Variants in SAMD11 observed in about 807,000 individuals in gnomAD.
SAMD11 encodes sterile alpha motif domain containing 11.
In SAMD11, 77 loss-of-function variants were observed where a neutral mutation model predicts 64.4. The ratio of observed to expected loss-of-function variants is 1.20; its 90% CI spans 0.99 to 1.44. The LOEUF (loss-of-function observed/expected upper bound fraction) is 1.44, where lower values mean the gene tolerates loss of function less well. SAMD11 is among the 40% of genes most tolerant of loss of function. The pLI is 0.00. For synonymous variants in SAMD11, 658 were observed against 421.9 expected (o/e 1.56, Z -6.86); for missense variants, 1,402 against 943.3 (o/e 1.49, Z -6.37).
At chr1:925,689 A>T in intron 1 of SAMD11, 1 of 466,910 alleles carries the variant, frequency 2.1e-6, no homozygotes, top group Non-Finnish European at 3.9e-6. Flanking sequence ...GGGGACGCCC[A>T]GGCCCTTCGT....
At chr1:927,091 C>T (rs957661277) in intron 2 of SAMD11, among the ~76,000 whole-genome samples, 12 of 152,238 alleles carry the variant, frequency 7.9e-5, no homozygotes, top group South Asian at 4.1e-4. Flanking sequence ...GGGACACAGC[C>T]GCACCTCACC....
chr1:933,555 A>G (rs1440353073), intron 4 of SAMD11, among the ~76,000 whole-genome samples: 1 of 146,482 alleles, frequency 6.8e-6, no homozygotes, highest in East Asian at 2.0e-4. Context: ...CAGAGGGGGG[A>G]CCCCTGGGGA....
rs1336345444 is a variant in SAMD11 at position 939,260 on chromosome 1, G to A, written c.1058-15G>A. ...GTGCCTGGAGAAACCTCTCACCCCG[G>A]GTCCTCCCCAGCAGAGGCGCTGCTG... On this transcript the variant is annotated splice_polypyrimidine_tract_variant and intron_variant, in intron 6 of 13. Coordinates refer to ENST00000616016, the MANE Select transcript of SAMD11 (RefSeq NM_001385641.1). 3 of 1,582,670 alleles carry A rather than the reference G, an allele frequency of 1.9e-6. No homozygotes were observed. In the African/African-American group the frequency reaches 4.0e-5, roughly 21 times the overall value.
intron 5 of SAMD11, among the ~76,000 whole-genome samples, chr1:938,800 C>T (rs1474914797): frequency 1.3e-5 from 2 of 152,196 alleles, no homozygotes; most frequent in Non-Finnish European, 2.9e-5. Context: ...CTGTGGATCT[C>T]TTCTGCACAC....
intron 5 of SAMD11, among the ~76,000 whole-genome samples, chr1:937,027 C>A (rs902720418): frequency 1.3e-5 from 2 of 152,140 alleles, no homozygotes; most frequent in African/African-American, 4.8e-5. Context: ...CCCATGGAGT[C>A]AGGACGTGTT....
At chr1:932,712 G>C (rs1641227570) in intron 4 of SAMD11, among the ~76,000 whole-genome samples, 1 of 152,230 alleles carries the variant, frequency 6.6e-6, no homozygotes, top group Non-Finnish European at 1.5e-5. Flanking sequence ...CTCCCGTCCA[G>C]TGGTCTCCAC....
Position 943,758 on chromosome 1 carries a change from C to CA in SAMD11, c.2239_2240insA (p.Leu747HisfsTer157). ...GCCACTGCTGACGGAGGAGCACCTGCTGACCAACATGGGGCTGAAGCTGGG... is the reference window on the plus strand; with the variant it reads ...GCCACTGCTGACGGAGGAGCACCTGCATGACCAACATGGGGCTGAAGCTGGG... On this transcript the variant is annotated frameshift_variant, in exon 13 of 14. Transcript: ENST00000616016. LOFTEE classifies it low-confidence loss of function (END_TRUNC). 1 of 1,611,350 alleles carries CA rather than the reference C, an allele frequency of 6.2e-7. No individual in the cohort carries two copies. The highest frequency in any genetic ancestry group is 1.1e-5 in the South Asian group (1 of 91,014).
intron 2 of SAMD11, among the ~76,000 whole-genome samples, chr1:927,371 C>A (rs1310741834): frequency 4.6e-5 from 7 of 152,150 alleles, no homozygotes; most frequent in Non-Finnish European, 8.8e-5. Context: ...CAGCCTGAGC[C>A]CAGCGTCAGT....
At chr1:928,379 G>C (rs945978476) in intron 2 of SAMD11, among the ~76,000 whole-genome samples, 2 of 152,150 alleles carry the variant, frequency 1.3e-5, no homozygotes, top group African/African-American at 2.4e-5. Flanking sequence ...GCAACAGAGT[G>C]AGACTCCGTC....
At chr1:928,320 A>G (rs1021432449) in intron 2 of SAMD11, among the ~76,000 whole-genome samples, 3 of 152,212 alleles carry the variant, frequency 2.0e-5, no homozygotes, top group African/African-American at 4.8e-5. Context: ...TGAACCCGGG[A>G]GGCGGAGCTT....
At chr1:939,851 C>A (rs1424388356) in intron 7 of SAMD11, among the ~76,000 whole-genome samples, 1 of 152,164 alleles carries the variant, frequency 6.6e-6, no homozygotes, top group Non-Finnish European at 1.5e-5. Flanking sequence ...AAAGGCCGGG[C>A]TGGGTGCAGT....
intron 12 of SAMD11, 27 bp downstream of exon 12, chr1:943,404 C>A: frequency 6.7e-7 from 1 of 1,502,734 alleles, no homozygotes; most frequent in African/African-American, 1.4e-5. Flanking sequence ...GTTCCTGGGG[C>A]GGGGCTGGAG....
chr1:933,488 C>G (rs1427620280), intron 4 of SAMD11, among the ~76,000 whole-genome samples: 1 of 152,166 alleles, frequency 6.6e-6, no homozygotes, highest in Non-Finnish European at 1.5e-5. Context: ...CTGCCAGCCC[C>G]CAACCTCTGG....
At chr1:937,542 G>A (rs1385752524) in intron 5 of SAMD11, among the ~76,000 whole-genome samples, 1 of 152,176 alleles carries the variant, frequency 6.6e-6, no homozygotes, top group Non-Finnish European at 1.5e-5. Context: ...CATGTGCATG[G>A]TGGGCCAGGT....
At position 939,063 on chromosome 1, in the gene SAMD11, G is replaced by C; in HGVS notation, c.991G>C (p.Gly331Arg). 2 of 1,604,984 alleles carry C rather than the reference G, an allele frequency of 1.2e-6. No individual in the cohort carries two copies. The highest frequency in any genetic ancestry group is 3.3e-4 in the Middle Eastern group (2 of 6,056). ...AGGTGACCTGTTGGGCAAGAGGCTG[G>C]GCCGCTCCCCCCGTATCAGCAGCGA... is the stretch of plus-strand genomic sequence containing the variant. Reference protein sequence around the residue: ...PAGDLLGKRLGRSPRISSDCF... With the variant: ...PAGDLLGKRLRRSPRISSDCF... Residue 331 changes from glycine (G) to arginine (R), a missense_variant, in exon 6 of 14, where the codon GGC becomes CGC. By Grantham distance (125) the Gly-to-Arg change is moderately radical. Coordinates refer to ENST00000616016, the MANE Select transcript of SAMD11 (RefSeq NM_001385641.1).
Position 942,429 on chromosome 1 carries a change from C to A in SAMD11, c.1494C>A (p.Pro498=). The A allele has an allele frequency of 1.3e-6, 2 of 1,486,618 alleles. No homozygotes were observed. Among genetic ancestry groups the A allele is most frequent in the South Asian group, 1.3e-5 (1 of 78,676 alleles). 92.1% of individuals were successfully genotyped at this position (1,486,618 alleles called of 1,614,324 possible). The change falls in exon 10 of 14, where the codon CCC becomes CCA. Residue 498 remains proline (P), a synonymous_variant. Coordinates refer to ENST00000616016, the MANE Select transcript of SAMD11 (RefSeq NM_001385641.1). ...CQTPGYGFLP[P]AQAEMFAWQQ... ...CACCAGGCTACGGCTTCCTGCCCCCCGCGCAGGCGGAGATGTTCGCCTGGC... is the reference window on the plus strand; with the variant it reads ...CACCAGGCTACGGCTTCCTGCCCCCAGCGCAGGCGGAGATGTTCGCCTGGC...
Position 943,044 on chromosome 1 carries a change from CCTA to C in SAMD11, c.2042_2044del (p.Tyr681del). 1 of 1,531,898 alleles carries C rather than the reference CCTA, an allele frequency of 6.5e-7. No homozygotes were observed. The highest frequency in any genetic ancestry group is 8.8e-7 in the Non-Finnish European group (1 of 1,141,144). 94.9% of individuals were successfully genotyped at this position (1,531,898 alleles called of 1,614,324 possible). ...CTGGGCTTCCCTTATGCCGTCAGCC[CCTA>C]CTTCCACACAGGTGGGCACCCCCAC... is the stretch of plus-strand genomic sequence containing the variant. On this transcript the variant is annotated inframe_deletion, in exon 11 of 14. Coordinates refer to ENST00000616016, the MANE Select transcript of SAMD11 (RefSeq NM_001385641.1).
At chr1:940,009 G>A (rs1641661562) in intron 7 of SAMD11, among the ~76,000 whole-genome samples, 1 of 152,082 alleles carries the variant, frequency 6.6e-6, no homozygotes, top group Non-Finnish European at 1.5e-5. Flanking sequence ...CCCCCTGCCC[G>A]CTGCACTCAG....
At chr1:938,681 G>A (rs188429060) in intron 5 of SAMD11, among the ~76,000 whole-genome samples, 3 of 152,352 alleles carry the variant, frequency 2.0e-5, no homozygotes, top group Admixed American at 2.0e-4. Context: ...GGAGGGGAAG[G>A]TGGTGCCTGG....
Sources: gnomAD v4.1 joint callset for allele counts (sites outside exome capture counted in the v4.1 genomes callset) on GRCh38, gnomAD v4.1.1 for gene constraint, MANE v1.5 for transcripts, NCBI Gene and HGNC (gene_info 2026-07-23, HGNC 2026-07-21) for gene names.